Variants in EML5 observed in about 807,000 individuals in gnomAD.
The protein encoded by EML5 is EMAP like 5, also known as echinoderm microtubule-associated protein-like 5.
A neutral mutation model predicts 250.0 loss-of-function variants in EML5; 120 were observed. That is an observed-to-expected ratio of 0.48 (90% CI 0.41 to 0.56). EML5 has a LOEUF of 0.56. Ranked by LOEUF, EML5 falls within the 20% of genes least tolerant of loss-of-function variation. EML5 has a pLI of 0.00. For synonymous variants in EML5, 771 were observed against 806.5 expected (o/e 0.96, Z 0.75); for missense variants, 2,006 against 2,437.6 (o/e 0.82, Z 3.73).
intron 31 of EML5, among the ~76,000 whole-genome samples, chr14:88,639,378 G>A (rs1019015620): frequency 8.5e-5 from 13 of 152,188 alleles, no homozygotes; most frequent in Non-Finnish European, 1.6e-4. Context: ...AGAAAGATGA[G>A]TAACATGGTT....
intron 27 of EML5, among the ~76,000 whole-genome samples, chr14:88,651,725 C>A (rs1284141438): frequency 2.0e-5 from 3 of 151,510 alleles, no homozygotes; most frequent in Admixed American, 6.6e-5. Context: ...ATTATATTTT[C>A]ATATTTATCT....
chr14:88,706,491 T>C (rs1172055017), intron 10 of EML5, 65 bp from the exon 11 acceptor site: 32 of 1,219,262 alleles, frequency 2.6e-5, no homozygotes, highest in Non-Finnish European at 3.5e-5. Context: ...TTCAAACAAT[T>C]TTTATATATG....
intron 8 of EML5, among the ~76,000 whole-genome samples, chr14:88,716,732 A>AACACACACAC (rs58701181): frequency 1.4e-5 from 2 of 148,082 alleles, no homozygotes; most frequent in African/African-American, 5.0e-5. Flanking sequence ...ACTGCTCACC[A>AACACACACAC]ACACACACAC....
intron 15 of EML5, 136 bp from the exon 16 acceptor site, chr14:88,695,590 T>A: frequency 1.3e-6 from 1 of 793,596 alleles, no homozygotes; most frequent in Non-Finnish European, 1.9e-6. Context: ...TGCATACACC[T>A]ATAAAAAGAA....
intron 29 of EML5, 128 bp from the exon 30 acceptor site, chr14:88,644,639 C>T: frequency 1.5e-6 from 1 of 660,590 alleles, no homozygotes; most frequent in Non-Finnish European, 2.6e-6. Context: ...CTGTGGTCCA[C>T]TAGACTGCCC....
intron 1 of EML5, among the ~76,000 whole-genome samples, chr14:88,768,442 G>A (rs906921447): frequency 6.6e-6 from 1 of 150,596 alleles, no homozygotes; most frequent in Admixed American, 6.6e-5. Flanking sequence ...ACAGAGTTTC[G>A]CTCTGTCACC....
At chr14:88,729,154 G>A (rs533947588) in intron 7 of EML5, among the ~76,000 whole-genome samples, 8 of 151,806 alleles carry the variant, frequency 5.3e-5, no homozygotes, top group Admixed American at 2.6e-4. Flanking sequence ...GTGTGTGTAC[G>A]TGTACATATA....
chr14:88,773,872 A>G (rs2094420540), intron 1 of EML5, among the ~76,000 whole-genome samples: 1 of 152,132 alleles, frequency 6.6e-6, no homozygotes, highest in East Asian at 1.9e-4. Context: ...TGATCCTAGC[A>G]TTTTGGGAGG....
At chr14:88,671,416 G>A (rs1307371616) in intron 21 of EML5, among the ~76,000 whole-genome samples, 1 of 152,134 alleles carries the variant, frequency 6.6e-6, no homozygotes, top group Non-Finnish European at 1.5e-5. Context: ...ACTAAATATG[G>A]AAAGGAAAAA....
At chr14:88,685,785 T>C (rs1224550338) in intron 19 of EML5, among the ~76,000 whole-genome samples, 1 of 152,180 alleles carries the variant, frequency 6.6e-6, no homozygotes, top group Non-Finnish European at 1.5e-5. Context: ...ATTGCTTATA[T>C]CTAGTAGAAT....
At chr14:88,622,466 G>A (rs879000776) in intron 37 of EML5, 138 bp downstream of exon 37, 1 of 633,998 alleles carries the variant, frequency 1.6e-6, no homozygotes, top group South Asian at 4.3e-5. Context: ...AAGCAGCAAA[G>A]ACAGAGTAAT....
chr14:88,761,952 C>CT (rs1376565288), intron 1 of EML5, among the ~76,000 whole-genome samples: 1 of 152,120 alleles, frequency 6.6e-6, no homozygotes, highest in Non-Finnish European at 1.5e-5. Context: ...CAGAGATGAG[C>CT]TTTTTTTCAT....
chr14:88,716,764 C>CAT (rs60683764), intron 8 of EML5, among the ~76,000 whole-genome samples: 2 of 146,644 alleles, frequency 1.4e-5, no homozygotes, highest in South Asian at 2.2e-4. Flanking sequence ...CACACACACA[C>CAT]GGTAGAAGGT....
chr14:88,776,000 T>C (rs1449765525), intron 1 of EML5, among the ~76,000 whole-genome samples: 5 of 152,178 alleles, frequency 3.3e-5, no homozygotes, highest in East Asian at 1.9e-4. Context: ...TTCTCCGGGA[T>C]CTTGTCTAAG....
intron 9 of EML5, among the ~76,000 whole-genome samples, chr14:88,713,109 T>C (rs908283116): frequency 6.6e-6 from 1 of 152,104 alleles, no homozygotes; most frequent in African/African-American, 2.4e-5. Context: ...TACTATGCAG[T>C]GGCTGGGTGC....
At chr14:88,705,681 G>A (rs1453845523) in intron 11 of EML5, 93 bp from the exon 12 acceptor site, 33 of 869,844 alleles carry the variant, frequency 3.8e-5, no homozygotes, top group Non-Finnish European at 5.5e-6. Flanking sequence ...TATGTCAGTT[G>A]ACATGGAGAC....
In EML5 at chr14:88,689,775, T is replaced by A. The variant is rs535929805; in HGVS notation, c.2540-1302A>T. 4.6e-5 allele frequency among the ~76,000 whole-genome samples: 7 copies of A among 152,090 alleles called. No individual in the cohort carries two copies. In the East Asian group the frequency reaches 1.4e-3, roughly 29 times the overall value. ...GAGAGAAAGAAAGAAAAAAGAAATA[T>A]ACATGCCAGGCACTATTCAATGTAC... is the stretch of plus-strand genomic sequence containing the variant. On this transcript the variant is annotated intron_variant, in intron 17 of 43. Coordinates refer to ENST00000554922, the MANE Select transcript of EML5 (RefSeq NM_183387.3).
At chr14:88,712,235 G>C (rs772216291) in intron 10 of EML5, 36 bp downstream of exon 10, 2 of 1,432,266 alleles carry the variant, frequency 1.4e-6, no homozygotes, top group South Asian at 1.2e-5. Flanking sequence ...TCTTCTGTGA[G>C]AGAGAGGTTA....
intron 7 of EML5, among the ~76,000 whole-genome samples, chr14:88,732,928 C>T (rs2093783581): frequency 6.6e-6 from 1 of 152,138 alleles, no homozygotes; most frequent in Non-Finnish European, 1.5e-5. Flanking sequence ...TTATTAAACA[C>T]TGAATGGATT....
Sources: allele counts gnomAD v4.1 joint callset (sites outside exome capture counted in the v4.1 genomes callset), GRCh38; gene constraint gnomAD v4.1.1; transcripts MANE v1.5; gene names NCBI Gene and HGNC (gene_info 2026-07-23, HGNC 2026-07-21).